The following PPP1R12A variants were observed in gnomAD, a reference collection of about 807,000 sequenced individuals.
PPP1R12A encodes the protein myosin binding subunit.
PPP1R12A carries 19 observed loss-of-function variants against 139.6 expected under a neutral mutation model. The observed-to-expected ratio is 0.14, with a 90% CI of 0.09 to 0.20. The LOEUF (loss-of-function observed/expected upper bound fraction) is 0.20. Among genes scored for constraint, PPP1R12A ranks in the 10% least tolerant of loss-of-function variants. The pLI is 1.00. For missense variants in PPP1R12A, 925 were observed against 1,211.5 expected (o/e 0.76, Z 3.51); for synonymous variants, 427 against 420.6 (o/e 1.02, Z -0.19).
At chr12:79,927,882 C>A (rs1162697225) in intron 1 of PPP1R12A, among the ~76,000 whole-genome samples, 1 of 152,176 alleles carries the variant, frequency 6.6e-6, no homozygotes, top group African/African-American at 2.4e-5. Flanking sequence ...AATACCTCAT[C>A]ATCTTCTCAA....
chr12:79,908,296 A>G (rs991619743), intron 1 of PPP1R12A, among the ~76,000 whole-genome samples: 2 of 152,254 alleles, frequency 1.3e-5, no homozygotes, highest in Admixed American at 6.5e-5. Flanking sequence ...CACTGTTTGT[A>G]GTAGTGGAAG....
At chr12:79,843,346 C>A (rs759121461) in intron 3 of PPP1R12A, among the ~76,000 whole-genome samples, 3 of 151,966 alleles carry the variant, frequency 2.0e-5, no homozygotes, top group African/African-American at 4.8e-5. Context: ...GAGGCCCAGG[C>A]AGGAGGATCA....
chr12:79,879,668 ATCTGGTGATAAGAC>A (rs1883444514), intron 1 of PPP1R12A, among the ~76,000 whole-genome samples: 1 of 152,204 alleles, frequency 6.6e-6, no homozygotes, highest in Admixed American at 6.5e-5. Flanking sequence ...ATAAAATAAG[ATCTGGTGATAAGAC>A]TCAGAACCAG....
upstream of PPP1R12A, chr12:79,935,168 C>A: frequency 2.2e-6 from 3 of 1,337,040 alleles, no homozygotes; most frequent in Non-Finnish European, 1.9e-6. Context: ...GCACGGCCAC[C>A]CGTCACCGGC....
At chr12:79,894,254 C>CA (rs758631369) in intron 1 of PPP1R12A, among the ~76,000 whole-genome samples, 43 of 152,196 alleles carry the variant, frequency 2.8e-4, no homozygotes, top group Middle Eastern at 3.2e-3. Context: ...TCTACTAAGA[C>CA]AGACTACCAA....
At chr12:79,912,419 T>C (rs1886646812) in intron 1 of PPP1R12A, among the ~76,000 whole-genome samples, 1 of 152,120 alleles carries the variant, frequency 6.6e-6, no homozygotes, top group South Asian at 2.1e-4. Context: ...CTGCCAGGCA[T>C]GGTGACTCAC....
At chr12:79,866,598 T>G (rs763448775) in intron 2 of PPP1R12A, among the ~76,000 whole-genome samples, 1 of 152,144 alleles carries the variant, frequency 6.6e-6, no homozygotes, top group Non-Finnish European at 1.5e-5. Flanking sequence ...ATACCCAGAA[T>G]CTACAAAGAA....
rs115151429 is a variant in PPP1R12A, at chr12:79,834,553, G to A, written c.488-2062C>T. On this transcript the variant is annotated intron_variant, in intron 3 of 24. Transcript: ENST00000450142. Reference sequence around the variant, plus strand: ...TCAAGGCTTACCAAGAGAATTTGCTGTTAGTTTGGATACAGAAGAAAAAGA... The same window carrying A: ...TCAAGGCTTACCAAGAGAATTTGCTATTAGTTTGGATACAGAAGAAAAAGA... 5.2e-3 allele frequency among the ~76,000 whole-genome samples: 799 copies of A among 152,268 alleles called. 8 individuals carry two copies. The highest frequency in any genetic ancestry group is 0.017 in the African/African-American group (715 of 41,556).
At position 79,775,819 on chromosome 12, in the gene PPP1R12A, T is replaced by C; in HGVS notation, c.*110A>G. On this transcript the variant is annotated 3_prime_UTR_variant, in exon 25 of 25. Coordinates refer to ENST00000450142, the MANE Select transcript of PPP1R12A (RefSeq NM_002480.3). ...AGATAAGAGGGCATTTGGCAGGATA[T>C]CCGAAAATGACAGTCTCCAAGGATT... The C allele has an allele frequency of 1.6e-6, 1 of 611,736 alleles. No homozygotes were observed. The highest frequency in any genetic ancestry group is 2.6e-6 in the Non-Finnish European group (1 of 388,560). 37.9% of individuals were successfully genotyped at this position (611,736 alleles called of 1,614,324 possible). A position where few individuals can be genotyped will look rare whatever the true frequency, so the allele number is the denominator to read the frequency against.
In PPP1R12A at chr12:79,861,569, G is replaced by A. The variant is rs192227521; in HGVS notation, c.368+11239C>T. Among the ~76,000 whole-genome samples the A allele has an allele frequency of 5.5e-4, 84 of 152,290 alleles. No individual in the cohort carries two copies. In the East Asian group the frequency reaches 0.01, roughly 19 times the overall value. ...TTCCCTTTCCTAGCCAAGGGAAGCC[G>A]TGAGTGACCGTACCTGGAGGAGCAG... On this transcript the variant is annotated intron_variant, in intron 2 of 24. Transcript: ENST00000450142.
At chr12:79,889,087 G>GA (rs1884367506) in intron 1 of PPP1R12A, among the ~76,000 whole-genome samples, 22 of 152,180 alleles carry the variant, frequency 1.4e-4, no homozygotes, top group Admixed American at 1.4e-3. Flanking sequence ...GGACTAATAT[G>GA]AAACAAATTC....
intron 1 of PPP1R12A, among the ~76,000 whole-genome samples, chr12:79,933,563 C>T (rs10862023): frequency 0.8 from 121,764 of 152,164 alleles, 50,687 homozygotes; most frequent in Non-Finnish European, 0.92. Flanking sequence ...GGGAAGCTAT[C>T]GCTGCAAAGT....
chr12:79,817,560 T>C lies in PPP1R12A; in HGVS notation c.1115-42A>G, dbSNP rs751056792. 2.6e-6 allele frequency: 4 copies of C among 1,522,934 alleles called. No individual in the cohort carries two copies. In the East Asian group the frequency reaches 7.3e-5, roughly 28 times the overall value. 94.3% of individuals were successfully genotyped at this position (1,522,934 alleles called of 1,614,324 possible). A position where few individuals can be genotyped will look rare whatever the true frequency, so the allele number is the denominator to read the frequency against. The stretch of plus-strand genomic sequence containing the variant: ...ATTAAGAGTCAAGATTCCATATATA[T>C]TTGGTCTCAATGGCTGGGAAAAAAT... On this transcript the variant is annotated intron_variant, in intron 8 of 24. Transcript: ENST00000450142.
intron 14 of PPP1R12A, among the ~76,000 whole-genome samples, chr12:79,800,415 A>G (rs896594298): frequency 6.6e-6 from 1 of 152,172 alleles, no homozygotes; most frequent in Non-Finnish European, 1.5e-5. Context: ...TCTTAATAAC[A>G]TTCTTTTCTC....
intron 1 of PPP1R12A, among the ~76,000 whole-genome samples, chr12:79,912,637 T>C (rs1044748220): frequency 6.6e-6 from 1 of 150,568 alleles, no homozygotes; most frequent in South Asian, 2.1e-4. Flanking sequence ...AAGGCTGCAG[T>C]GAGCCGTGAT....
intron 21 of PPP1R12A, chr12:79,786,961 AT>A (rs1871209274): frequency 1.3e-5 from 2 of 152,230 alleles, no homozygotes; most frequent in Admixed American, 6.5e-5. Context: ...TTCCTGAAAT[AT>A]TTCAAATCCA....
intron 1 of PPP1R12A, among the ~76,000 whole-genome samples, chr12:79,929,028 G>C (rs1565821923): frequency 6.6e-6 from 1 of 152,198 alleles, no homozygotes; most frequent in African/African-American, 2.4e-5. Flanking sequence ...CTTGGCATCA[G>C]GAACTAGTTT....
chr12:79,791,557 G>C (rs1167409189), intron 19 of PPP1R12A, among the ~76,000 whole-genome samples: 2 of 152,076 alleles, frequency 1.3e-5, no homozygotes, highest in East Asian at 3.9e-4. Flanking sequence ...TGAACTCCTG[G>C]GCTCAAGCAG....
chr12:79,779,336 G>C lies in PPP1R12A; in HGVS notation c.2956-736C>G, dbSNP rs1426558966. On this transcript the variant is annotated intron_variant, in intron 23 of 24. Coordinates refer to ENST00000450142, the MANE Select transcript of PPP1R12A (RefSeq NM_002480.3). ...TAGGTCATACCGCCCAGAAGATACTGACTCTTGCCGGTCACCTTTCAGATA... is the reference window on the plus strand; with the variant it reads ...TAGGTCATACCGCCCAGAAGATACTCACTCTTGCCGGTCACCTTTCAGATA... The C allele has an allele frequency of 3.9e-6, 5 of 1,289,060 alleles. No individual in the cohort carries two copies. The Admixed American group carries it at 1.1e-4, about 30-fold the overall frequency. The allele number at this position is 1,289,060 out of a possible 1,614,324, so 79.9% of individuals were successfully genotyped here. A position where few individuals can be genotyped will look rare whatever the true frequency, so the allele number is the denominator to read the frequency against.
Sources: gnomAD v4.1 joint callset for allele counts (sites outside exome capture counted in the v4.1 genomes callset) on GRCh38, gnomAD v4.1.1 for gene constraint, MANE v1.5 for transcripts, NCBI Gene and HGNC (gene_info 2026-07-23, HGNC 2026-07-21) for gene names.